Variants in SOX6 observed in about 807,000 individuals in gnomAD.
SOX6 encodes the protein SRY-box transcription factor 6.
In SOX6, 11 loss-of-function variants were observed where a neutral mutation model predicts 97.8. The observed-to-expected ratio is 0.11, with a 90% CI of 0.07 to 0.19. SOX6 has a LOEUF of 0.19. Among genes scored for constraint, SOX6 ranks in the 10% least tolerant of loss-of-function variants. The pLI is 1.00. For missense variants in SOX6, 810 were observed against 1,039.5 expected (o/e 0.78, Z 3.04); for synonymous variants, 360 against 371.4 (o/e 0.97, Z 0.35).
intron 12 of SOX6, among the ~76,000 whole-genome samples, chr11:16,033,928 A>G (rs982688376): frequency 6.6e-5 from 10 of 152,052 alleles, no homozygotes; most frequent in African/African-American, 2.4e-4. Flanking sequence ...AAAAGAAAGG[A>G]AAAGAAAAGA....
At chr11:16,477,192 T>C (rs1304644860), upstream of SOX6, among the ~76,000 whole-genome samples, 3 of 152,200 alleles carry the variant, frequency 2.0e-5, no homozygotes, top group Admixed American at 6.5e-5. Context: ...CTGTGAGTAG[T>C]AGTCAACTAA....
intron 9 of SOX6, among the ~76,000 whole-genome samples, chr11:16,074,347 AC>A (rs1564939698): frequency 6.6e-6 from 1 of 152,136 alleles, no homozygotes; most frequent in African/African-American, 2.4e-5. Context: ...TTAGAAAAAA[AC>A]GGATAAATTC....
chr11:16,223,402 C>T (rs568592796), intron 4 of SOX6, among the ~76,000 whole-genome samples: 184 of 152,202 alleles, frequency 1.2e-3, no homozygotes, highest in African/African-American at 4.2e-3. Flanking sequence ...AATCAGCATT[C>T]TAAGTTATAG....
At chr11:16,093,301 T>C (rs989672569) in intron 9 of SOX6, among the ~76,000 whole-genome samples, 1 of 152,004 alleles carries the variant, frequency 6.6e-6, no homozygotes, top group African/African-American at 2.4e-5. Context: ...CTCCTAATAT[T>C]GTGCCCCTGA....
intron 9 of SOX6, among the ~76,000 whole-genome samples, chr11:16,063,233 G>A (rs979195691): frequency 2.1e-4 from 31 of 151,132 alleles, no homozygotes; most frequent in African/African-American, 7.5e-4. Flanking sequence ...TTGGATGTTA[G>A]TGACACTTTA....
intron 4 of SOX6, among the ~76,000 whole-genome samples, chr11:16,498,623 A>G (rs1379289926): frequency 1.3e-5 from 2 of 152,112 alleles, no homozygotes; most frequent in Non-Finnish European, 1.5e-5. Context: ...GATCTACCAA[A>G]CAAATGGAAA....
At chr11:16,209,635 C>T (rs1011098034) in intron 4 of SOX6, among the ~76,000 whole-genome samples, 43 of 152,098 alleles carry the variant, frequency 2.8e-4, no homozygotes, top group Non-Finnish European at 6.0e-4. Flanking sequence ...AGTGCCTGTC[C>T]CCAGCTACTC....
intron 4 of SOX6, among the ~76,000 whole-genome samples, chr11:16,495,496 C>A (rs1424589648): frequency 3.3e-5 from 5 of 152,184 alleles, no homozygotes; most frequent in African/African-American, 1.2e-4. Context: ...CCCAAGTACT[C>A]CTCCTGGGAA....
chr11:16,526,881 A>C (rs7129286), intron 4 of SOX6, among the ~76,000 whole-genome samples: 37,501 of 151,958 alleles, frequency 0.25, 5,130 homozygotes, highest in East Asian at 0.48. Context: ...AATTCTATAA[A>C]GTTTTTAAGT....
Position 16,201,935 on chromosome 11 carries a change from C to A in SOX6, c.536-14980G>T, listed in dbSNP as rs192058743. 2.0e-5 allele frequency among the ~76,000 whole-genome samples: 3 copies of A among 151,936 alleles called. 1 individual carries two copies. The highest frequency in any genetic ancestry group is 7.2e-5 in the African/African-American group (3 of 41,478). On this transcript the variant is annotated intron_variant, in intron 4 of 15. Transcript: ENST00000683767. ...GGCGTGAGCCACCGCGCCCGGCCTGCAAAGTATTTTTAAGAGAGATTTTTA... is the reference window on the plus strand; with the variant it reads ...GGCGTGAGCCACCGCGCCCGGCCTGAAAAGTATTTTTAAGAGAGATTTTTA...
intron 1 of SOX6, among the ~76,000 whole-genome samples, chr11:16,369,876 G>A (rs1419344263): frequency 6.6e-6 from 1 of 152,100 alleles, no homozygotes; most frequent in Non-Finnish European, 1.5e-5. Context: ...CTAGAAGGTG[G>A]GAAGAGACAA....
rs1191797353 is a variant in SOX6, at chr11:15,968,774, GC to G, written c.*4034del. 1 of 152,218 alleles carries G rather than the reference GC, an allele frequency of 6.6e-6. No individual in the cohort carries two copies. Among genetic ancestry groups the G allele is most frequent in the Non-Finnish European group, 1.5e-5 (1 of 68,076 alleles). The allele number at this position is 152,218 out of a possible 1,614,324, so 9.4% of individuals were successfully genotyped here. A position where few individuals can be genotyped will look rare whatever the true frequency, so the allele number is the denominator to read the frequency against. On this transcript the variant is annotated 3_prime_UTR_variant, in exon 16 of 16. Coordinates refer to ENST00000683767, the MANE Select transcript of SOX6 (RefSeq NM_001367873.1). ...AGCCCACACCTGAATTTAGAACTTG[GC>G]CTGGGCTTTGGTGTCAGGACCCTGG...
chr11:16,620,929 G>A (rs184406710), intron 3 of SOX6, among the ~76,000 whole-genome samples: 1 of 152,126 alleles, frequency 6.6e-6, no homozygotes, highest in Admixed American at 6.5e-5. Context: ...ATTTCCTACT[G>A]TTTCACAAAT....
chr11:16,454,175 C>G (rs1454358936), intron 1 of SOX6, among the ~76,000 whole-genome samples: 2 of 152,010 alleles, frequency 1.3e-5, no homozygotes, highest in Non-Finnish European at 2.9e-5. Flanking sequence ...ACTCACGTAC[C>G]AGGAGTACGA....
intron 3 of SOX6, among the ~76,000 whole-genome samples, chr11:16,308,692 C>A (rs1352312120): frequency 2.0e-5 from 3 of 152,132 alleles, no homozygotes; most frequent in African/African-American, 7.2e-5. Flanking sequence ...AAACCTGATG[C>A]AATTAGAGAT....
intron 3 of SOX6, among the ~76,000 whole-genome samples, chr11:16,288,440 C>G (rs1269392153): frequency 6.6e-6 from 1 of 151,934 alleles, no homozygotes; most frequent in Non-Finnish European, 1.5e-5. Flanking sequence ...TTTACAAGGG[C>G]ATTAGATATA....
chr11:15,978,049 ACTAT>A (rs1197870066), intron 15 of SOX6, among the ~76,000 whole-genome samples: 9 of 151,958 alleles, frequency 5.9e-5, no homozygotes, highest in Non-Finnish European at 1.0e-4. Flanking sequence ...GTGCACTGAA[ACTAT>A]CTGTTTTTGT....
chr11:16,370,072 C>T (rs1295015006), intron 1 of SOX6, among the ~76,000 whole-genome samples: 5 of 152,134 alleles, frequency 3.3e-5, no homozygotes, highest in Non-Finnish European at 1.5e-5. Context: ...ATAAGCCATG[C>T]CATGTTCTTC....
intron 4 of SOX6, among the ~76,000 whole-genome samples, chr11:16,554,408 T>G (rs945669174): frequency 2.0e-5 from 3 of 152,098 alleles, no homozygotes; most frequent in Non-Finnish European, 2.9e-5. Context: ...TCCCATCCTA[T>G]TTTCCTTTAT....
Sources: allele counts gnomAD v4.1 joint callset (sites outside exome capture counted in the v4.1 genomes callset), GRCh38; gene constraint gnomAD v4.1.1; transcripts MANE v1.5; gene names NCBI Gene and HGNC (gene_info 2026-07-23, HGNC 2026-07-21).